The following USP24 variants were observed in gnomAD, a reference collection of about 807,000 sequenced individuals.
USP24 encodes ubiquitin specific peptidase 24, also known as ubiquitin carboxyl-terminal hydrolase 24.
A neutral mutation model predicts 361.6 loss-of-function variants in USP24; 97 were observed. The observed-to-expected ratio is 0.27, with a 90% CI of 0.23 to 0.32. The LOEUF (loss-of-function observed/expected upper bound fraction) is 0.32. Ranked by LOEUF, USP24 falls within the 10% of genes least tolerant of loss-of-function variation. The probability of loss-of-function intolerance (pLI) is 1.00; values close to 1 mark genes in which losing one functional copy is unlikely to be tolerated. For synonymous variants in USP24, 1,098 were observed against 1,124.6 expected, an observed-to-expected ratio of 0.98 and a Z score of 0.47; for missense variants, 2,353 against 3,165.6, an observed-to-expected ratio of 0.74 and a Z score of 6.16.
At chr1:55,148,242 A>G (rs1391243280) in intron 17 of USP24, among the ~76,000 whole-genome samples, 1 of 151,446 alleles carries the variant, frequency 6.6e-6, no homozygotes, top group Non-Finnish European at 1.5e-5. Flanking sequence ...TTGAAAATTA[A>G]GCAAATAAAA....
chr1:55,146,851 A>G, intron 19 of USP24, 78 bp downstream of exon 19: 1 of 1,556,422 alleles, frequency 6.4e-7, no homozygotes, highest in East Asian at 2.3e-5. Context: ...AAAAGTGTTT[A>G]GAAGATGTGA....
chr1:55,117,667 C>T (rs985129237), intron 38 of USP24, among the ~76,000 whole-genome samples: 21 of 132,084 alleles, frequency 1.6e-4, no homozygotes, highest in Admixed American at 3.7e-4. Context: ...AGCCGGGAAG[C>T]GGAGCTTGCA....
chr1:55,068,445 C>G lies in USP24; in HGVS notation c.*600G>C, dbSNP rs1447602960. ...TGGTAACCTTTCATCAAGATCCAAG[C>G]TTATGCATAGGGTTCTCATCTAGAC... is the stretch of plus-strand genomic sequence containing the variant. On this transcript the variant is annotated 3_prime_UTR_variant, in exon 68 of 68. Coordinates refer to ENST00000294383, the MANE Select transcript of USP24 (RefSeq NM_015306.3). 6.6e-6 allele frequency: 1 copy of G among 152,122 alleles called. No homozygotes were observed. The highest frequency in any genetic ancestry group is 1.5e-5 in the Non-Finnish European group (1 of 68,032). 9.4% of individuals were successfully genotyped at this position (152,122 alleles called of 1,614,324 possible).
At chr1:55,132,486 GAATCGATAAA>G in intron 31 of USP24, 49 bp downstream of exon 31, 1 of 1,517,596 alleles carries the variant, frequency 6.6e-7, no homozygotes, top group Non-Finnish European at 8.9e-7. Context: ...CTGAAAGCAT[GAATCGATAAA>G]TCCAAATAGA....
chr1:55,191,485 T>C (rs1486854796), intron 1 of USP24, among the ~76,000 whole-genome samples: 2 of 131,666 alleles, frequency 1.5e-5, no homozygotes, highest in African/African-American at 5.2e-5. Context: ...AAGATCAATA[T>C]GGCACTTTCT....
chr1:55,142,890 T>C, intron 22 of USP24, 89 bp downstream of exon 22: 2 of 1,427,222 alleles, frequency 1.4e-6, no homozygotes, highest in Non-Finnish European at 1.9e-6. Flanking sequence ...CAATTTTTGG[T>C]CATGCCAAGG....
rs762028719 is a variant in USP24, at chr1:55,097,103, C to T, written c.5785G>A (p.Val1929Ile). Reference sequence around the variant, plus strand: ...TCCACACTTCGCCCATTTTCCCCAACTTCAGAAGAAGAATCTTGGCGAGCC... The same window carrying T: ...TCCACACTTCGCCCATTTTCCCCAATTTCAGAAGAAGAATCTTGGCGAGCC... ...GMARQDSSSE[V>I]GENGRSVDQG... Residue 1929 changes from valine (V) to isoleucine (I), a missense_variant, in exon 49 of 68, where the codon GTT becomes ATT. Coordinates refer to ENST00000294383, the MANE Select transcript of USP24 (RefSeq NM_015306.3). 2 of 1,613,850 alleles carry T rather than the reference C, an allele frequency of 1.2e-6. No individual in the cohort carries two copies. Among genetic ancestry groups the T allele is most frequent in the African/African-American group, 2.7e-5 (2 of 74,918 alleles).
In USP24 at chr1:55,083,269, T is replaced by C. The variant is rs1298954807; in HGVS notation, c.6975+3A>G. ...CCACTAGGGATATAAAAGTAGTCCT[T>C]ACCTGATTGTTTTGCCGACTGGCCC... is the stretch of plus-strand genomic sequence containing the variant. On this transcript the variant is annotated splice_donor_region_variant and intron_variant, in intron 58 of 67. Transcript: ENST00000294383. 3.1e-6 allele frequency: 5 copies of C among 1,613,618 alleles called. No homozygotes were observed. Among genetic ancestry groups the C allele is most frequent in the Admixed American group, 1.7e-5 (1 of 59,990 alleles).
chr1:55,096,458 T>C (rs908216826), intron 50 of USP24, 40 bp downstream of exon 50: 4 of 1,444,580 alleles, frequency 2.8e-6, no homozygotes, highest in African/African-American at 2.9e-5. Context: ...AAACGATAAA[T>C]AAAAAAACTA....
rs376690566 is a variant in USP24 at position 55,115,178 on chromosome 1, A to G, written c.4509-4932T>C. On this transcript the variant is annotated intron_variant, in intron 38 of 67. Transcript: ENST00000294383. ...CAGAGAAATGCAAATCAAAACCGCA[A>G]TGAGATACCATCTTACATGGTATCT... Among the ~76,000 whole-genome samples, 130 of 152,316 alleles carry G rather than the reference A, an allele frequency of 8.5e-4. 4 individuals are homozygous for G. The South Asian group carries it at 0.025, about 30-fold the overall frequency.
At chr1:55,144,329 C>A in intron 20 of USP24, 126 bp from the exon 21 acceptor site, 1 of 509,530 alleles carries the variant, frequency 2.0e-6, no homozygotes, top group Non-Finnish European at 3.4e-6. Context: ...AGATATGGTA[C>A]CAAAGCAGAA....
chr1:55,068,528 T>G lies in USP24; in HGVS notation c.*517A>C, dbSNP rs1426080212. 6.5e-6 allele frequency: 1 copy of G among 153,674 alleles called. No individual in the cohort carries two copies. The highest frequency in any genetic ancestry group is 6.5e-5 in the Admixed American group (1 of 15,432). 9.5% of individuals were successfully genotyped at this position (153,674 alleles called of 1,614,324 possible). Reference sequence around the variant, plus strand: ...ATTAAATACAAAGGTCTGTGTAAATTGACTTAATTACTATTTTACAATGAA... The same window carrying G: ...ATTAAATACAAAGGTCTGTGTAAATGGACTTAATTACTATTTTACAATGAA... On this transcript the variant is annotated 3_prime_UTR_variant, in exon 68 of 68. Coordinates refer to ENST00000294383, the MANE Select transcript of USP24 (RefSeq NM_015306.3).
At chr1:55,095,109 T>A in intron 51 of USP24, 146 bp downstream of exon 51, 16 of 968,528 alleles carry the variant, frequency 1.7e-5, no homozygotes, top group Non-Finnish European at 2.3e-5. Context: ...CATGAAGCAA[T>A]AAGGGATTTA....
At chr1:55,081,752 A>T (rs1453411694) in intron 58 of USP24, among the ~76,000 whole-genome samples, 1 of 152,198 alleles carries the variant, frequency 6.6e-6, no homozygotes, top group South Asian at 2.1e-4. Flanking sequence ...AATGTGAGTG[A>T]GTTCTTCACC....
At chr1:55,102,226 T>A (rs1015293667) in intron 42 of USP24, among the ~76,000 whole-genome samples, 1 of 152,230 alleles carries the variant, frequency 6.6e-6, no homozygotes, top group Non-Finnish European at 1.5e-5. Flanking sequence ...AAGGCTCATA[T>A]TGTAATTCCT....
At chr1:55,083,569 A>G (rs191678928) in intron 57 of USP24, among the ~76,000 whole-genome samples, 3 of 151,926 alleles carry the variant, frequency 2.0e-5, no homozygotes, top group South Asian at 2.1e-4. Context: ...ATTAACCCCT[A>G]GTTTTAATGC....
intron 31 of USP24, among the ~76,000 whole-genome samples, chr1:55,131,859 T>C (rs1470017828): frequency 1.3e-5 from 2 of 152,194 alleles, no homozygotes; most frequent in Admixed American, 1.3e-4. Flanking sequence ...AGCAAAATCA[T>C]TCAGGGCTTT....
chr1:55,147,601 G>C (rs1462199169), intron 18 of USP24, 48 bp downstream of exon 18: 2 of 1,515,810 alleles, frequency 1.3e-6, no homozygotes, highest in East Asian at 4.9e-5. Flanking sequence ...GTATAAAAAG[G>C]TCAAATTAAT....
At chr1:55,126,123 T>C (rs1171466255) in intron 32 of USP24, among the ~76,000 whole-genome samples, 1 of 152,242 alleles carries the variant, frequency 6.6e-6, no homozygotes. Flanking sequence ...AGACCCTTCA[T>C]AACTTGACCT....
Sources: allele counts gnomAD v4.1 joint callset (sites outside exome capture counted in the v4.1 genomes callset), GRCh38; gene constraint gnomAD v4.1.1; transcripts MANE v1.5; gene names NCBI Gene and HGNC (gene_info 2026-07-23, HGNC 2026-07-21).